Variants in CERT1 observed in about 807,000 individuals in gnomAD.
The protein encoded by CERT1 is ceramide transfer protein.
A neutral mutation model predicts 87.9 loss-of-function variants in CERT1; 31 were observed. That is an observed-to-expected ratio of 0.35 (90% CI 0.27 to 0.48). CERT1 has a LOEUF of 0.48. Among genes scored for constraint, CERT1 ranks in the 20% least tolerant of loss-of-function variants. The pLI is 0.99. For synonymous variants in CERT1, 289 were observed against 250.9 expected, an observed-to-expected ratio of 1.15 and a Z score of -1.44; for missense variants, 487 against 758.0, an observed-to-expected ratio of 0.64 and a Z score of 4.20.
At chr5:75,418,614 C>T (rs1209146120) in intron 6 of CERT1, among the ~76,000 whole-genome samples, 1 of 152,044 alleles carries the variant, frequency 6.6e-6, no homozygotes, top group Non-Finnish European at 1.5e-5. Context: ...ACTAGATACA[C>T]AAACTATGGT....
At chr5:75,465,699 T>G (rs774731581) in intron 2 of CERT1, among the ~76,000 whole-genome samples, 1 of 152,234 alleles carries the variant, frequency 6.6e-6, no homozygotes, top group Non-Finnish European at 1.5e-5. Context: ...CTTCCACTTC[T>G]GGACCCTGTA....
intron 10 of CERT1, 55 bp from the exon 11 acceptor site, chr5:75,399,442 G>T: frequency 7.8e-7 from 1 of 1,280,344 alleles, no homozygotes; most frequent in African/African-American, 1.5e-5. Flanking sequence ...GCACAACAGA[G>T]CATTCAGTAC....
chr5:75,413,437 G>A (rs1023661437), intron 7 of CERT1, among the ~76,000 whole-genome samples: 3 of 152,130 alleles, frequency 2.0e-5, no homozygotes, highest in Non-Finnish European at 4.4e-5. Flanking sequence ...GAGAAAATGG[G>A]ACTACAGATC....
chr5:75,478,028 A>T (rs1012984692), intron 2 of CERT1, among the ~76,000 whole-genome samples: 3 of 152,198 alleles, frequency 2.0e-5, no homozygotes, highest in African/African-American at 7.2e-5. Flanking sequence ...ATTAGAAGGA[A>T]GAGGCCGGGC....
chr5:75,451,034 G>C (rs1366777762), intron 3 of CERT1, among the ~76,000 whole-genome samples: 3 of 152,142 alleles, frequency 2.0e-5, no homozygotes, highest in Non-Finnish European at 2.9e-5. Flanking sequence ...TGACAAATAT[G>C]AAGTTACTTT....
intron 10 of CERT1, 49 bp downstream of exon 10, chr5:75,400,156 T>C (rs1458037400): frequency 3.9e-6 from 5 of 1,289,236 alleles, no homozygotes; most frequent in African/African-American, 1.5e-5. Flanking sequence ...CCACCAACAA[T>C]GAAGAACAAT....
At chr5:75,414,602 A>G (rs1763065854) in intron 7 of CERT1, among the ~76,000 whole-genome samples, 1 of 152,182 alleles carries the variant, frequency 6.6e-6, no homozygotes, top group Non-Finnish European at 1.5e-5. Flanking sequence ...TTTCCTGGAC[A>G]TGACTGGCTA....
intron 9 of CERT1, chr5:75,401,319 T>C (rs891140469): frequency 1.3e-5 from 2 of 152,348 alleles, no homozygotes; most frequent in East Asian, 3.9e-4. Context: ...TCAATCACCA[T>C]ACTGATATTC....
At chr5:75,394,839 G>A (rs1214614941) in intron 11 of CERT1, among the ~76,000 whole-genome samples, 1 of 152,172 alleles carries the variant, frequency 6.6e-6, no homozygotes, top group Non-Finnish European at 1.5e-5. Flanking sequence ...AGATAAGGGT[G>A]CAAAGATGCA....
chr5:75,498,135 A>G (rs1182333744), intron 2 of CERT1, among the ~76,000 whole-genome samples: 1 of 152,188 alleles, frequency 6.6e-6, no homozygotes, highest in Non-Finnish European at 1.5e-5. Context: ...TTTGAACTTG[A>G]AAGACATGAT....
chr5:75,377,546 G>A (rs1359583075), downstream of CERT1: 1 of 152,134 alleles, frequency 6.6e-6, no homozygotes, highest in Non-Finnish European at 1.5e-5. Context: ...TCAAAATGAG[G>A]AAGCTCCTTA....
chr5:75,511,000 T>C (rs1767947192), intron 1 of CERT1, 112 bp downstream of exon 1: 5 of 1,366,964 alleles, frequency 3.7e-6, no homozygotes, highest in Non-Finnish European at 2.9e-6. Flanking sequence ...ACACTCAGCC[T>C]CGCACCCCGG....
chr5:75,411,207 T>C (rs906164853), intron 7 of CERT1, 104 bp from the exon 8 acceptor site: 117 of 648,924 alleles, frequency 1.8e-4, no homozygotes, highest in Admixed American at 6.4e-5. Flanking sequence ...TTTTACAATT[T>C]GACACAAAAA....
chr5:75,448,068 TGTATGA>T (rs781092235), intron 3 of CERT1, among the ~76,000 whole-genome samples: 92 of 152,356 alleles, frequency 6.0e-4, no homozygotes, highest in Admixed American at 1.2e-3. Context: ...TAGAGCTAAC[TGTATGA>T]GTATTTTAGG....
chr5:75,509,546 C>T (rs1767815413), intron 1 of CERT1, among the ~76,000 whole-genome samples: 1 of 152,076 alleles, frequency 6.6e-6, no homozygotes, highest in African/African-American at 2.4e-5. Context: ...ATTTAAATAT[C>T]GAGATTGGTC....
chr5:75,421,054 C>T (rs1184689591), intron 5 of CERT1, among the ~76,000 whole-genome samples: 1 of 151,964 alleles, frequency 6.6e-6, no homozygotes, highest in Admixed American at 6.5e-5. Flanking sequence ...AGCAATCTGC[C>T]CACCTCTGCC....
Position 75,478,909 on chromosome 5 carries a change from TAAAAAAAAAAAAAAA to T in CERT1, c.232-19743_232-19729del, listed in dbSNP as rs11438163. Among the ~76,000 whole-genome samples, 13 of 21,748 alleles carry T rather than the reference TAAAAAAAAAAAAAAA, an allele frequency of 6.0e-4. 1 individual carries two copies. Among genetic ancestry groups the T allele is most frequent in the African/African-American group, 2.3e-3 (11 of 4,858 alleles). 14.3% of individuals were successfully genotyped at this position (21,748 alleles called of 152,430 possible). On this transcript the variant is annotated intron_variant, in intron 2 of 16. Coordinates refer to ENST00000643780, the MANE Select transcript of CERT1 (RefSeq NM_001379029.1). The stretch of plus-strand genomic sequence containing the variant: ...AAATCTTGAGCTTGAAAGTAAGTAC[TAAAAAAAAAAAAAAA>T]AAAAAAAAAAAAAAAGCCACACGCG...
intron 2 of CERT1, among the ~76,000 whole-genome samples, chr5:75,460,663 G>A (rs981690933): frequency 1.3e-5 from 2 of 152,178 alleles, no homozygotes; most frequent in Admixed American, 6.5e-5. Context: ...TGGGCAACAC[G>A]ACAGTGAACT....
chr5:75,436,158 G>A (rs906723818), intron 3 of CERT1, among the ~76,000 whole-genome samples: 4 of 151,878 alleles, frequency 2.6e-5, no homozygotes, highest in Admixed American at 6.5e-5. Flanking sequence ...TCGGCCTCCC[G>A]AGTAGCTGGG....
Sources: allele counts gnomAD v4.1 joint callset (sites outside exome capture counted in the v4.1 genomes callset), GRCh38; gene constraint gnomAD v4.1.1; transcripts MANE v1.5; gene names NCBI Gene and HGNC (gene_info 2026-07-23, HGNC 2026-07-21).